Variants in SLC7A2 observed in about 807,000 individuals in gnomAD.
The protein encoded by SLC7A2 is cationic amino acid transporter 2.
In SLC7A2, 48 loss-of-function variants were observed where a neutral mutation model predicts 58.9. That is an observed-to-expected ratio of 0.82 (90% CI 0.65 to 1.04). The LOEUF is 1.04. Ranked by LOEUF, SLC7A2 falls within the 50% of genes least tolerant of loss-of-function variation. The pLI is 0.00. For missense variants in SLC7A2, 1,029 were observed against 818.8 expected, an observed-to-expected ratio of 1.26 and a Z score of -3.13; for synonymous variants, 363 against 314.5, an observed-to-expected ratio of 1.15 and a Z score of -1.63.
At chr8:17,509,817 T>C (rs1254695754) in intron 2 of SLC7A2, among the ~76,000 whole-genome samples, 2 of 152,164 alleles carry the variant, frequency 1.3e-5, no homozygotes, top group East Asian at 3.9e-4. Flanking sequence ...TGATATGCAG[T>C]ATGAATAGCT....
intron 4 of SLC7A2, among the ~76,000 whole-genome samples, chr8:17,545,251 C>T (rs886228638): frequency 6.6e-6 from 1 of 152,144 alleles, no homozygotes; most frequent in South Asian, 2.1e-4. Flanking sequence ...CTTTCCCTCA[C>T]TCGTACATAA....
intron 2 of SLC7A2, among the ~76,000 whole-genome samples, chr8:17,524,019 T>G (rs992045569): frequency 6.6e-6 from 1 of 152,118 alleles, no homozygotes; most frequent in Non-Finnish European, 1.5e-5. Context: ...ACATCACTAA[T>G]TATCAGGGAA....
intron 2 of SLC7A2, among the ~76,000 whole-genome samples, chr8:17,536,108 CAAAA>C (rs35051977): frequency 6.3e-5 from 9 of 142,314 alleles, no homozygotes; most frequent in Admixed American, 1.4e-4. Flanking sequence ...TTCCTTGGCA[CAAAA>C]AAAAAAAAAA....
At chr8:17,554,869 A>G (rs1057457188) in intron 8 of SLC7A2, 170 bp downstream of exon 8, 4 of 1,520,372 alleles carry the variant, frequency 2.6e-6, no homozygotes, top group Non-Finnish European at 1.8e-6. Context: ...TCGTGTGTCC[A>G]GTCTTTACCT....
chr8:17,538,629 A>G, intron 2 of SLC7A2: 1 of 553,778 alleles, frequency 1.8e-6, no homozygotes, highest in Non-Finnish European at 3.1e-6. Flanking sequence ...TATTTAACCC[A>G]CGTTATAATT....
At chr8:17,549,406 A>C (rs1341720754) in intron 5 of SLC7A2, among the ~76,000 whole-genome samples, 3 of 152,226 alleles carry the variant, frequency 2.0e-5, no homozygotes, top group Non-Finnish European at 4.4e-5. Flanking sequence ...TTTTGGAGCA[A>C]CTGTGTGAAC....
At chr8:17,514,169 C>T (rs770241673) in intron 2 of SLC7A2, among the ~76,000 whole-genome samples, 19 of 152,034 alleles carry the variant, frequency 1.2e-4, no homozygotes, top group Non-Finnish European at 2.5e-4. Flanking sequence ...TCCCAATTCC[C>T]TGGATCCAGG....
chr8:17,519,951 T>A (rs1226955877), intron 2 of SLC7A2, among the ~76,000 whole-genome samples: 1 of 152,204 alleles, frequency 6.6e-6, no homozygotes, highest in Non-Finnish European at 1.5e-5. Context: ...GTAGACCATC[T>A]GATTGATTGA....
chr8:17,501,206 G>T lies in SLC7A2; in HGVS notation c.-68-1051G>T, dbSNP rs76267434. Among the ~76,000 whole-genome samples the T allele has an allele frequency of 6.3e-4, 96 of 152,124 alleles. 1 individual carries two copies. In the East Asian group the frequency reaches 0.015, roughly 24 times the overall value. On this transcript the variant is annotated intron_variant, in intron 1 of 12. Transcript: ENST00000494857. ...TTTTTGTAATTTTAGTATAGATGGG[G>T]TTTCACCATGTTGCCCAGGTTGGTC...
intron 2 of SLC7A2, among the ~76,000 whole-genome samples, chr8:17,503,677 G>A (rs1800258109): frequency 6.6e-6 from 1 of 152,142 alleles, no homozygotes. Context: ...AAATTCAAAT[G>A]GAAACTCTTC....
intron 2 of SLC7A2, among the ~76,000 whole-genome samples, chr8:17,538,273 G>A (rs958183692): frequency 6.6e-6 from 1 of 152,140 alleles, no homozygotes; most frequent in Non-Finnish European, 1.5e-5. Flanking sequence ...TTTTACCTAT[G>A]TCTACACTTG....
chr8:17,553,906 T>A (rs561450232), intron 7 of SLC7A2, among the ~76,000 whole-genome samples: 3 of 152,216 alleles, frequency 2.0e-5, no homozygotes, highest in African/African-American at 4.8e-5. Flanking sequence ...CTTCCGAACA[T>A]CTCAAGCAAA....
chr8:17,522,490 CA>C (rs1379168895), intron 2 of SLC7A2, among the ~76,000 whole-genome samples: 1 of 152,126 alleles, frequency 6.6e-6, no homozygotes, highest in African/African-American at 2.4e-5. Context: ...TTGTTTGTAC[CA>C]CCCTGATAAG....
At chr8:17,522,510 G>T (rs1488641799) in intron 2 of SLC7A2, among the ~76,000 whole-genome samples, 1 of 152,148 alleles carries the variant, frequency 6.6e-6, no homozygotes, top group African/African-American at 2.4e-5. Flanking sequence ...AGTACCTGGG[G>T]ACAGAGACTG....
rs186035199 is a variant in SLC7A2 at position 17,515,228 on chromosome 8, C to A, written c.-23+12926C>A. ...TTTCCAAAGTCATCAATAATGAGGA[C>A]ATAGCTTGTGGTTTTTAATTTTTTA... On this transcript the variant is annotated intron_variant, in intron 2 of 12. Transcript: ENST00000494857. 3.9e-5 allele frequency among the ~76,000 whole-genome samples: 6 copies of A among 152,078 alleles called. No homozygotes were observed. In the East Asian group the frequency reaches 9.7e-4, roughly 25 times the overall value.
At chr8:17,512,363 A>G (rs1464919178) in intron 2 of SLC7A2, among the ~76,000 whole-genome samples, 2 of 152,174 alleles carry the variant, frequency 1.3e-5, no homozygotes, top group Non-Finnish European at 2.9e-5. Flanking sequence ...CTTGACCAAC[A>G]TGGTGAAGCC....
rs531610206 is a variant in SLC7A2 at position 17,497,171 on chromosome 8, G to C, written c.-135G>C. The stretch of plus-strand genomic sequence containing the variant: ...CGCTGCTCCAGCGTCCCCCAGCCGC[G>C]GGCCCCCGACGCGCTGCAGCCGGCA... On this transcript the variant is annotated 5_prime_UTR_variant, in exon 1 of 13. Transcript: ENST00000494857. 1.1e-4 allele frequency: 16 copies of C among 151,874 alleles called. No individual in the cohort carries two copies. The East Asian group carries it at 3.1e-3, about 30-fold the overall frequency. The allele number at this position is 151,874 out of a possible 1,614,324, so 9.4% of individuals were successfully genotyped here. A position where few individuals can be genotyped will look rare whatever the true frequency, so the allele number is the denominator to read the frequency against.
chr8:17,546,038 A>G (rs1041901398), intron 4 of SLC7A2, among the ~76,000 whole-genome samples: 1 of 152,212 alleles, frequency 6.6e-6, no homozygotes, highest in African/African-American at 2.4e-5. Flanking sequence ...TTTTGAGTCT[A>G]ATGTCAAGAG....
At chr8:17,542,816 A>T (rs981963574) in intron 2 of SLC7A2, among the ~76,000 whole-genome samples, 2 of 151,990 alleles carry the variant, frequency 1.3e-5, no homozygotes, top group African/African-American at 4.8e-5. Flanking sequence ...TAGCTTGGAC[A>T]TGGTGGCTCA....
Sources: allele counts gnomAD v4.1 joint callset (sites outside exome capture counted in the v4.1 genomes callset), GRCh38; gene constraint gnomAD v4.1.1; transcripts MANE v1.5; gene names NCBI Gene and HGNC (gene_info 2026-07-23, HGNC 2026-07-21).